Variants in C15orf61 observed in about 807,000 individuals in gnomAD.
C15orf61 encodes chromosome 15 open reading frame 61, also known as uncharacterized protein C15orf61.
Under a neutral mutation model 13.7 loss-of-function variants are expected in C15orf61, and 12 were observed. The ratio of observed to expected loss-of-function variants is 0.88; its 90% CI spans 0.56 to 1.42. C15orf61 has a LOEUF of 1.42. Among genes scored for constraint, C15orf61 ranks in the 40% most tolerant of loss-of-function variants. The pLI, the probability that C15orf61 is intolerant of heterozygous loss-of-function variation, is 0.00. For missense variants in C15orf61, 248 were observed against 213.2 expected, an observed-to-expected ratio of 1.16 and a Z score of -1.02; for synonymous variants, 92 against 94.1, an observed-to-expected ratio of 0.98 and a Z score of 0.13.
At chr15:67,524,837 GTTTTT>G (rs374398669) in intron 1 of C15orf61, among the ~76,000 whole-genome samples, 1 of 122,810 alleles carries the variant, frequency 8.1e-6, no homozygotes, top group African/African-American at 3.0e-5. Flanking sequence ...TTTTTTGTTT[GTTTTT>G]TTTTTTTTTT....
Position 67,529,076 on chromosome 15 carries a change from ATTTC to A in C15orf61, c.*2535_*2538del, listed in dbSNP as rs1327337528. 2 of 152,240 alleles carry A rather than the reference ATTTC, an allele frequency of 1.3e-5. No homozygotes were observed. Among genetic ancestry groups the A allele is most frequent in the Non-Finnish European group, 2.9e-5 (2 of 68,002 alleles). The allele number at this position is 152,240 out of a possible 1,614,324, so 9.4% of individuals were successfully genotyped here. On this transcript the variant is annotated 3_prime_UTR_variant, in exon 2 of 2. Coordinates refer to ENST00000342683, the MANE Select transcript of C15orf61 (RefSeq NM_001143936.2). This position sits in a 1 kb window ranked among gnomAD's most constrained non-coding sequence, Gnocchi z 4.4. Reference sequence around the variant, plus strand: ...AACCACTGATTAGCTTTTCTGTCATATTTCTTTGACAGGATTTTTATCTTTAATC... The same window carrying A: ...AACCACTGATTAGCTTTTCTGTCATATTTGACAGGATTTTTATCTTTAATC...
Position 67,528,991 on chromosome 15 carries a change from C to T in C15orf61, c.*2446C>T, listed in dbSNP as rs1329018586. The T allele has an allele frequency of 2.6e-5, 4 of 152,106 alleles. No homozygotes were observed. Among genetic ancestry groups the T allele is most frequent in the Non-Finnish European group, 5.9e-5 (4 of 68,018 alleles). The allele number at this position is 152,106 out of a possible 1,614,324, so 9.4% of individuals were successfully genotyped here. On this transcript the variant is annotated 3_prime_UTR_variant, in exon 2 of 2. Transcript: ENST00000342683. ...CACATGCCCACTAACCCTGAAGTGG[C>T]ATGTGGGGAGCTGAAGAGGCCCTTC... is the stretch of plus-strand genomic sequence containing the variant.
chr15:67,523,056 T>A (rs909231639), intron 1 of C15orf61, among the ~76,000 whole-genome samples: 2 of 152,180 alleles, frequency 1.3e-5, no homozygotes, highest in African/African-American at 2.4e-5. Context: ...GTTTTGTTTA[T>A]TAATGTGGGA....
chr15:67,525,905 T>G lies in C15orf61; in HGVS notation c.347-513T>G, dbSNP rs1233665295. Among the ~76,000 whole-genome samples the G allele has an allele frequency of 6.6e-6, 1 of 152,108 alleles. No individual in the cohort carries two copies. Among genetic ancestry groups the G allele is most frequent in the Non-Finnish European group, 1.5e-5 (1 of 68,014 alleles). ...GGCGCGCGCCTGTAGTCCCAGCTAC[T>G]CAGGAGGCTGAGGCAGGAGAATCGC... On this transcript the variant is annotated intron_variant, in intron 1 of 1. Coordinates refer to ENST00000342683, the MANE Select transcript of C15orf61 (RefSeq NM_001143936.2). The surrounding 1 kb of genome is among the most constrained non-coding windows in gnomAD (Gnocchi z 4.9).
At chr15:67,523,128 A>G (rs1596528526) in intron 1 of C15orf61, among the ~76,000 whole-genome samples, 1 of 152,340 alleles carries the variant, frequency 6.6e-6, no homozygotes, top group East Asian at 1.9e-4. Context: ...AAATGGGAGT[A>G]AGAGTTCTAA....
chr15:67,522,174 G>C (rs1337303654), intron 1 of C15orf61: 1 of 701,938 alleles, frequency 1.4e-6, no homozygotes, highest in Admixed American at 2.0e-5. Context: ...TATTTTCATG[G>C]AGACGCCCTG....
rs1210785980 is a variant in C15orf61, at chr15:67,525,722, A to G, written c.347-696A>G. 6.6e-6 allele frequency among the ~76,000 whole-genome samples: 1 copy of G among 152,200 alleles called. No homozygotes were observed. The highest frequency in any genetic ancestry group is 1.9e-4 in the East Asian group (1 of 5,200). ...ATTAGTGTTACTACTAACTTAAAGAACAGTAATGTTGGCCGGGCGCGGTGG... is the reference window on the plus strand; with the variant it reads ...ATTAGTGTTACTACTAACTTAAAGAGCAGTAATGTTGGCCGGGCGCGGTGG... On this transcript the variant is annotated intron_variant, in intron 1 of 1. Coordinates refer to ENST00000342683, the MANE Select transcript of C15orf61 (RefSeq NM_001143936.2). The surrounding 1 kb of genome is among the most constrained non-coding windows in gnomAD (Gnocchi z 4.9).
rs1420715695 is a variant in C15orf61 at position 67,525,957 on chromosome 15, C to T, written c.347-461C>T. ...TGAACCCAGGAGGCGGAGGTGGCAGCGAGCCGAGATCGCGCCACTGCACTC... is the reference window on the plus strand; with the variant it reads ...TGAACCCAGGAGGCGGAGGTGGCAGTGAGCCGAGATCGCGCCACTGCACTC... On this transcript the variant is annotated intron_variant, in intron 1 of 1. Coordinates refer to ENST00000342683, the MANE Select transcript of C15orf61 (RefSeq NM_001143936.2). This position sits in a 1 kb window ranked among gnomAD's most constrained non-coding sequence, Gnocchi z 4.9. Among the ~76,000 whole-genome samples, 1 of 152,046 alleles carries T rather than the reference C, an allele frequency of 6.6e-6. No homozygotes were observed. Among genetic ancestry groups the T allele is most frequent in the Non-Finnish European group, 1.5e-5 (1 of 67,996 alleles).
rs2084199731 is a variant in C15orf61 at position 67,526,498 on chromosome 15, A to G, written c.427A>G (p.Ile143Val). 4.5e-6 allele frequency: 7 copies of G among 1,540,656 alleles called. No individual in the cohort carries two copies. The highest frequency in any genetic ancestry group is 2.5e-5 in the East Asian group (1 of 40,700). The change falls in exon 2 of 2, where the codon ATA (isoleucine) becomes GTA (valine). Residue 143 changes from isoleucine (I) to valine (V), a missense_variant. Coordinates refer to ENST00000342683, the MANE Select transcript of C15orf61 (RefSeq NM_001143936.2). ...TETVHTSYGP[I>V]TVYFLNKEDE... ...GACTGTGCATACCAGTTATGGACCC[A>G]TAACAGTTTATTTTCTCAATAAAGA... is the stretch of plus-strand genomic sequence containing the variant.
In C15orf61 at chr15:67,521,311, C is replaced by G; in HGVS notation, c.63C>G (p.Ala21=). The part of the protein sequence containing the change: ...ALRLLLCRPW[A]SRAAARPKPS... ...GCCTGCTGCTGTGTAGGCCGTGGGC[C>G]TCGCGCGCCGCCGCCCGCCCCAAGC... Residue 21 remains alanine, a synonymous_variant, in exon 1 of 2, where the codon GCC becomes GCG. Coordinates refer to ENST00000342683, the MANE Select transcript of C15orf61 (RefSeq NM_001143936.2). The G allele has an allele frequency of 1.3e-6, 2 of 1,524,870 alleles. No individual in the cohort carries two copies. Among genetic ancestry groups the G allele is most frequent in the Non-Finnish European group, 8.8e-7 (1 of 1,141,090 alleles). 94.5% of individuals were successfully genotyped at this position (1,524,870 alleles called of 1,614,324 possible). A position where few individuals can be genotyped will look rare whatever the true frequency, so the allele number is the denominator to read the frequency against.
intron 1 of C15orf61, among the ~76,000 whole-genome samples, chr15:67,523,164 C>T (rs1356394883): frequency 6.6e-6 from 1 of 152,040 alleles, no homozygotes; most frequent in Non-Finnish European, 1.5e-5. Flanking sequence ...CAACTTTTTG[C>T]TCATGCATGC....
rs974802711 is a variant in C15orf61 at position 67,527,449 on chromosome 15, G to A, written c.*904G>A. 2 of 151,944 alleles carry A rather than the reference G, an allele frequency of 1.3e-5. No individual in the cohort carries two copies. Among genetic ancestry groups the A allele is most frequent in the Admixed American group, 1.3e-4 (2 of 15,266 alleles). 9.4% of individuals were successfully genotyped at this position (151,944 alleles called of 1,614,324 possible). On this transcript the variant is annotated 3_prime_UTR_variant, in exon 2 of 2. Transcript: ENST00000342683. ...AGTCATTTAAAAAAATGTATCCTTG[G>A]GGTAGTCACAAAATACCCAGATGAA... is the stretch of plus-strand genomic sequence containing the variant.
In C15orf61 at chr15:67,521,551, C is replaced by A; in HGVS notation, c.303C>A (p.Ala101=). The part of the protein sequence containing the change: ...HCSKAPWQDL[A]RQNRFFTALK... ...CCAAGGCTCCCTGGCAGGACCTGGC[C>A]CGGCAGAACCGCTTCTTCACGGCGC... Residue 101 remains alanine, a synonymous_variant, in exon 1 of 2, where the codon GCC becomes GCA. Coordinates refer to ENST00000342683, the MANE Select transcript of C15orf61 (RefSeq NM_001143936.2). The A allele has an allele frequency of 6.5e-7, 1 of 1,542,788 alleles. No homozygotes were observed. Among genetic ancestry groups the A allele is most frequent in the South Asian group, 1.2e-5 (1 of 83,912 alleles).
chr15:67,522,265 A>G (rs2084170972), intron 1 of C15orf61: 2 of 699,948 alleles, frequency 2.9e-6, no homozygotes, highest in South Asian at 1.5e-5. Flanking sequence ...ACATGGGTGT[A>G]TCTTTTATAG....
chr15:67,524,028 ATTTCTGTAT>A lies in C15orf61; in HGVS notation c.347-2387_347-2379del, dbSNP rs141575658. Among the ~76,000 whole-genome samples the A allele has an allele frequency of 9.9e-3, 1,509 of 152,250 alleles. 34 individuals carry two copies. The highest frequency in any genetic ancestry group is 0.035 in the African/African-American group (1,446 of 41,552). ...TTAGCTGAAAATATATTGACCGTTTATTTCTGTATTTGTGATTTTTCAAAAGTATGAATT... is the reference window on the plus strand; with the variant it reads ...TTAGCTGAAAATATATTGACCGTTTATTGTGATTTTTCAAAAGTATGAATT... On this transcript the variant is annotated intron_variant, in intron 1 of 1. Coordinates refer to ENST00000342683, the MANE Select transcript of C15orf61 (RefSeq NM_001143936.2).
chr15:67,521,635 G>A, intron 1 of C15orf61, 41 bp downstream of exon 1: 3 of 1,425,996 alleles, frequency 2.1e-6, no homozygotes, highest in African/African-American at 1.4e-5. Context: ...AAGCCCGCCC[G>A]GCCGGGACGG....
intron 1 of C15orf61, among the ~76,000 whole-genome samples, chr15:67,522,528 T>C (rs1287413442): frequency 1.3e-5 from 2 of 152,256 alleles, no homozygotes; most frequent in African/African-American, 4.8e-5. Flanking sequence ...ATGTCAGTCG[T>C]GGGCTTTTTG....
chr15:67,523,260 T>C (rs2084178874), intron 1 of C15orf61, among the ~76,000 whole-genome samples: 2 of 152,178 alleles, frequency 1.3e-5, no homozygotes, highest in Middle Eastern at 3.2e-3. Context: ...TATTTTTAAT[T>C]TTTGTCTGAA....
At position 67,521,608 on chromosome 15, in the gene C15orf61, G is replaced by A. The variant is rs1009258280; in HGVS notation, c.346+14G>A. ...TCGTCAACCTCGGTGAGTGGCGACTGCCGCGCCCACGCGGTGAAGCCCGCC... is the reference window on the plus strand; with the variant it reads ...TCGTCAACCTCGGTGAGTGGCGACTACCGCGCCCACGCGGTGAAGCCCGCC... On this transcript the variant is annotated intron_variant, in intron 1 of 1. Transcript: ENST00000342683. 3.0e-5 allele frequency: 45 copies of A among 1,503,104 alleles called. No homozygotes were observed. In the Middle Eastern group the frequency reaches 8.5e-4, roughly 28 times the overall value. 93.1% of individuals were successfully genotyped at this position (1,503,104 alleles called of 1,614,324 possible).
Sources: gnomAD v4.1 joint callset for allele counts (sites outside exome capture counted in the v4.1 genomes callset) on GRCh38, gnomAD v4.1.1 for gene constraint, Gnocchi (gnomAD v3.1) non-coding constraint, MANE v1.5 for transcripts, NCBI Gene and HGNC (gene_info 2026-07-23, HGNC 2026-07-21) for gene names.